The following TPO variants were observed in gnomAD, a reference collection of about 807,000 sequenced individuals.
TPO encodes thyroid microsomal antigen.
In TPO, 78 loss-of-function variants were observed where a neutral mutation model predicts 96.9. That is an observed-to-expected ratio of 0.81 (90% CI 0.67 to 0.97). The LOEUF (loss-of-function observed/expected upper bound fraction) is 0.97. TPO is among the 50% of genes least tolerant of loss of function. The pLI, the probability that TPO is intolerant of heterozygous loss-of-function variation, is 0.00. For synonymous variants in TPO, 547 were observed against 538.0 expected, an observed-to-expected ratio of 1.02 and a Z score of -0.23; for missense variants, 1,252 against 1,274.8, an observed-to-expected ratio of 0.98 and a Z score of 0.27.
At chr2:1,498,302 C>T (rs988707070) in intron 13 of TPO, among the ~76,000 whole-genome samples, 5 of 152,184 alleles carry the variant, frequency 3.3e-5, no homozygotes, top group Non-Finnish European at 7.3e-5. Context: ...GGGTGCGGCT[C>T]CCGCCAAGTC....
At chr2:1,529,888 A>C (rs1365592671) in intron 15 of TPO, among the ~76,000 whole-genome samples, 7 of 120,006 alleles carry the variant, frequency 5.8e-5, no homozygotes, top group African/African-American at 1.0e-4. Flanking sequence ...AACCTCCTCA[A>C]ATCCCTCCCA....
chr2:1,497,927 G>A (rs1436373252), intron 13 of TPO, among the ~76,000 whole-genome samples: 1 of 148,786 alleles, frequency 6.7e-6, no homozygotes, highest in African/African-American at 2.5e-5. Context: ...AGACCCAGGT[G>A]AGAGAATCCT....
At chr2:1,429,935 C>G (rs1029147357) in intron 3 of TPO, among the ~76,000 whole-genome samples, 34 of 152,196 alleles carry the variant, frequency 2.2e-4, no homozygotes, top group Admixed American at 2.0e-3. Flanking sequence ...GGAAAATTTG[C>G]AGGCTAGCCA....
Position 1,537,734 on chromosome 2 carries a change from CTGTCTGCAAA to C in TPO, c.2619-2859_2619-2850del, listed in dbSNP as rs1412130723. Among the ~76,000 whole-genome samples, 37 of 122,848 alleles carry C rather than the reference CTGTCTGCAAA, an allele frequency of 3.0e-4. 1 individual carries two copies. In the South Asian group the frequency reaches 0.01, roughly 35 times the overall value. The allele number at this position is 122,848 out of a possible 152,430, so 80.6% of individuals were successfully genotyped here. On this transcript the variant is annotated intron_variant, in intron 15 of 16. Coordinates refer to ENST00000329066, the MANE Select transcript of TPO (RefSeq NM_001206744.2). ...TGAGCGACCTCCCCAAATCCCCCAACTGTCTGCAAACTCCCCACATCTCCCTCACTGAGTA... is the reference window on the plus strand; with the variant it reads ...TGAGCGACCTCCCCAAATCCCCCAACCTCCCCACATCTCCCTCACTGAGTA...
intron 1 of TPO, 178 bp downstream of exon 1, chr2:1,413,723 T>C (rs1474956666): frequency 5.1e-6 from 5 of 985,266 alleles, no homozygotes; most frequent in East Asian, 1.1e-4. Context: ...CGCTGGAACA[T>C]GTGAGTCCTG....
rs1481767029 is a variant in TPO at position 1,496,728 on chromosome 2, C to T, written c.2349C>T (p.Thr783=). 2 of 1,613,998 alleles carry T rather than the reference C, an allele frequency of 1.2e-6. No individual in the cohort carries two copies. The change falls in exon 13 of 17, where the codon ACC becomes ACT. Residue 783 remains threonine (T), a synonymous_variant. Transcript: ENST00000329066. Reference sequence around the variant, plus strand: ...AAGGCCGGGAGCAGCTCACTTGCACCCAGGAAGGATGGGATTTCCAGCCTC... The same window carrying T: ...AAGGCCGGGAGCAGCTCACTTGCACTCAGGAAGGATGGGATTTCCAGCCTC... The part of the protein sequence containing the change: ...ELQGREQLTC[T]QEGWDFQPPL...
At chr2:1,427,866 T>C (rs968405233) in intron 3 of TPO, among the ~76,000 whole-genome samples, 2 of 152,160 alleles carry the variant, frequency 1.3e-5, no homozygotes, top group Non-Finnish European at 2.9e-5. Flanking sequence ...AATATCTGCA[T>C]CTAGATTGGT....
intron 5 of TPO, among the ~76,000 whole-genome samples, chr2:1,441,872 G>T (rs1261856462): frequency 6.6e-6 from 1 of 152,204 alleles, no homozygotes; most frequent in East Asian, 1.9e-4. Flanking sequence ...AGTGCTCCAT[G>T]GCGGGATGGT....
At chr2:1,398,647 A>C (rs1662121423) in intron 1 of TPO, among the ~76,000 whole-genome samples, 1 of 152,200 alleles carries the variant, frequency 6.6e-6, no homozygotes, top group African/African-American at 2.4e-5. Context: ...GGGAGAGGTC[A>C]TGAATATCAC....
chr2:1,528,102 A>G (rs1314218215), intron 15 of TPO, among the ~76,000 whole-genome samples: 1 of 122,188 alleles, frequency 8.2e-6, no homozygotes, highest in Non-Finnish European at 1.7e-5. Flanking sequence ...AAAAGCACAA[A>G]TCCCCCACTG....
upstream of TPO, chr2:1,413,370 C>A (rs917154150): frequency 6.6e-6 from 1 of 152,040 alleles, no homozygotes; most frequent in South Asian, 2.1e-4. Context: ...ACATTCTGTC[C>A]CCACGAAGAA....
chr2:1,394,199 C>T (rs1185272582), intron 1 of TPO, among the ~76,000 whole-genome samples: 5 of 152,256 alleles, frequency 3.3e-5, no homozygotes, highest in Middle Eastern at 6.8e-3. Flanking sequence ...ACTGTGAATA[C>T]GGTGGAATAT....
chr2:1,455,159 A>G (rs1422816399), intron 6 of TPO, among the ~76,000 whole-genome samples: 1 of 152,128 alleles, frequency 6.6e-6, no homozygotes, highest in Non-Finnish European at 1.5e-5. Context: ...AGGGCCTCCA[A>G]CTTTAAGGAC....
chr2:1,469,014 C>G (rs1392591842), intron 7 of TPO, among the ~76,000 whole-genome samples: 1 of 152,174 alleles, frequency 6.6e-6, no homozygotes, highest in Non-Finnish European at 1.5e-5. Flanking sequence ...CTTTCCAGTA[C>G]ATTTTGAATT....
chr2:1,403,863 A>G (rs1255445111), intron 1 of TPO, among the ~76,000 whole-genome samples: 1 of 152,168 alleles, frequency 6.6e-6, no homozygotes, highest in Non-Finnish European at 1.5e-5. Context: ...CAGCGGCAGC[A>G]TGGAAACGGT....
chr2:1,428,954 T>C (rs1056921940), intron 3 of TPO, among the ~76,000 whole-genome samples: 2 of 152,178 alleles, frequency 1.3e-5, no homozygotes, highest in African/African-American at 4.8e-5. Flanking sequence ...GGCTGGCTAA[T>C]GTGTTAGTTG....
chr2:1,413,686 C>CTGA, intron 1 of TPO, 141 bp downstream of exon 1: 5 of 985,484 alleles, frequency 5.1e-6, no homozygotes, highest in Non-Finnish European at 6.0e-6. Flanking sequence ...GACTGACTGA[C>CTGA]TGATGAGTGC....
chr2:1,512,229 G>A (rs766529866), intron 14 of TPO, among the ~76,000 whole-genome samples: 1 of 152,076 alleles, frequency 6.6e-6, no homozygotes, highest in Non-Finnish European at 1.5e-5. Context: ...TAGTAGAGAC[G>A]GGGTTTCACC....
intron 13 of TPO, among the ~76,000 whole-genome samples, chr2:1,503,155 GAT>G (rs1673043176): frequency 6.6e-6 from 1 of 152,162 alleles, no homozygotes; most frequent in South Asian, 2.1e-4. Context: ...TCTGTCTAGG[GAT>G]GTCGTCAGCA....
Sources: allele counts gnomAD v4.1 joint callset (sites outside exome capture counted in the v4.1 genomes callset), GRCh38; gene constraint gnomAD v4.1.1; transcripts MANE v1.5; gene names NCBI Gene and HGNC (gene_info 2026-07-23, HGNC 2026-07-21).